The following CRTAP variants were observed in gnomAD, a reference collection of about 807,000 sequenced individuals.
CRTAP encodes cartilage associated protein.
In CRTAP, 33 loss-of-function variants were observed where a neutral mutation model predicts 42.7. The observed-to-expected ratio is 0.77, with a 90% CI of 0.59 to 1.03. The LOEUF is 1.03. CRTAP is among the 50% of genes least tolerant of loss of function. The pLI is 0.00. For synonymous variants in CRTAP, 243 were observed against 217.7 expected (o/e 1.12, Z -1.02); for missense variants, 613 against 533.9 (o/e 1.15, Z -1.46).
Position 33,114,031 on chromosome 3 carries a change from C to G in CRTAP, c.-47C>G, listed in dbSNP as rs970117588. ...TCCTCTTTCCTTTCCTTCTCCCTCC[C>G]CTTTTCCCTTCCTTCGTCCCTTCCT... is the stretch of plus-strand genomic sequence containing the variant. On this transcript the variant is annotated 5_prime_UTR_variant, in exon 1 of 7. Transcript: ENST00000320954. The G allele has an allele frequency of 7.3e-7, 1 of 1,367,510 alleles. No homozygotes were observed. The highest frequency in any genetic ancestry group is 1.4e-5 in the South Asian group (1 of 71,118). The allele number at this position is 1,367,510 out of a possible 1,614,324, so 84.7% of individuals were successfully genotyped here.
intron 6 of CRTAP, among the ~76,000 whole-genome samples, chr3:33,140,586 C>G (rs1402094233): frequency 6.6e-6 from 1 of 152,188 alleles, no homozygotes; most frequent in African/African-American, 2.4e-5. Flanking sequence ...TCCTTATTAT[C>G]TTTCTGGTGT....
intron 1 of CRTAP, among the ~76,000 whole-genome samples, chr3:33,118,382 G>A (rs765271299): frequency 6.6e-6 from 1 of 152,064 alleles, no homozygotes; most frequent in Non-Finnish European, 1.5e-5. Flanking sequence ...CCTTTTTCTG[G>A]CCAGGAGTGT....
intron 2 of CRTAP, among the ~76,000 whole-genome samples, chr3:33,122,731 A>G (rs951869191): frequency 1.4e-5 from 2 of 146,642 alleles, no homozygotes; most frequent in African/African-American, 5.0e-5. Context: ...AAAAAAAAAA[A>G]AGAAGAAGAA....
At chr3:33,142,304 G>T in intron 6 of CRTAP, 91 bp from the exon 7 acceptor site, 1 of 1,215,356 alleles carries the variant, frequency 8.2e-7, no homozygotes, top group Non-Finnish European at 1.2e-6. Context: ...GCAGACAGTG[G>T]TGATGGCCTC....
At position 33,123,830 on chromosome 3, in the gene CRTAP, T is replaced by C. The variant is rs150896697; in HGVS notation, c.622-578T>C. The stretch of plus-strand genomic sequence containing the variant: ...TTAGTACAGATGGGGTTTCCCTATA[T>C]TGGCCATGCTAGAGGTATTTCTTTA... On this transcript the variant is annotated intron_variant, in intron 2 of 6. Coordinates refer to ENST00000320954, the MANE Select transcript of CRTAP (RefSeq NM_006371.5). Among the ~76,000 whole-genome samples, 480 of 152,224 alleles carry C rather than the reference T, an allele frequency of 3.2e-3. 3 individuals are homozygous for C. Among genetic ancestry groups the C allele is most frequent in the African/African-American group, 0.011 (451 of 41,534 alleles).
intron 6 of CRTAP, among the ~76,000 whole-genome samples, chr3:33,138,314 T>G (rs2030480308): frequency 6.6e-6 from 1 of 152,216 alleles, no homozygotes; most frequent in African/African-American, 2.4e-5. Context: ...GGAATTCCAC[T>G]GAACACATAA....
In CRTAP at chr3:33,144,469, G is replaced by A. The variant is rs1408763783; in HGVS notation, c.*2021G>A. ...GTGCTCTCAGAAGGAACCTGTGAAA[G>A]CCTTTATCAGTCATTTATTGGCTGT... On this transcript the variant is annotated 3_prime_UTR_variant, in exon 7 of 7. Transcript: ENST00000320954. The A allele has an allele frequency of 2.0e-5, 3 of 152,218 alleles. No individual in the cohort carries two copies. The highest frequency in any genetic ancestry group is 4.4e-5 in the Non-Finnish European group (3 of 68,070). 9.4% of individuals were successfully genotyped at this position (152,218 alleles called of 1,614,324 possible).
intron 2 of CRTAP, among the ~76,000 whole-genome samples, chr3:33,124,019 C>G (rs564135837): frequency 2.2e-4 from 34 of 152,294 alleles, no homozygotes; most frequent in Middle Eastern, 3.4e-3. Context: ...AGTCCTGTAA[C>G]TGCCATCATA....
At chr3:33,132,793 A>G in intron 5 of CRTAP, 93 bp downstream of exon 5, 1 of 1,503,022 alleles carries the variant, frequency 6.7e-7, no homozygotes, top group Non-Finnish European at 9.2e-7. Context: ...TTTTGGAAAT[A>G]AAGGGGCTGG....
At chr3:33,123,221 C>T (rs963825830) in intron 2 of CRTAP, among the ~76,000 whole-genome samples, 1 of 152,252 alleles carries the variant, frequency 6.6e-6, no homozygotes, top group Admixed American at 6.5e-5. Flanking sequence ...ACTGCATTGT[C>T]GGAGGAAGTG....
At chr3:33,124,847 A>G (rs1212869867) in intron 3 of CRTAP, among the ~76,000 whole-genome samples, 1 of 152,206 alleles carries the variant, frequency 6.6e-6, no homozygotes, top group East Asian at 1.9e-4. Context: ...CAGATTTCCT[A>G]CAGTCATTTT....
chr3:33,115,972 T>A (rs1701338076), intron 1 of CRTAP, among the ~76,000 whole-genome samples: 1 of 152,212 alleles, frequency 6.6e-6, no homozygotes, highest in Non-Finnish European at 1.5e-5. Flanking sequence ...TTAATAAAAT[T>A]CCAGAATGTT....
intron 3 of CRTAP, among the ~76,000 whole-genome samples, 186 bp from the exon 4 acceptor site, chr3:33,129,753 G>A (rs992092389): frequency 1.3e-5 from 2 of 151,798 alleles, no homozygotes; most frequent in Admixed American, 6.6e-5. Flanking sequence ...AACCAGGATG[G>A]TCTCGATCCT....
Position 33,114,552 on chromosome 3 carries a change from A to G in CRTAP, c.471+4A>G, listed in dbSNP as rs549296015. ...CCTGCAGTTCGCTTACTTCAAGGCA[A>G]GTCCGCCTCGCCCCGTCCCAGGCCC... On this transcript the variant is annotated splice_donor_region_variant and intron_variant, in intron 1 of 6. Transcript: ENST00000320954. 5 of 1,575,360 alleles carry G rather than the reference A, an allele frequency of 3.2e-6. No individual in the cohort carries two copies. The highest frequency in any genetic ancestry group is 3.6e-5 in the Admixed American group (2 of 55,210).
intron 2 of CRTAP, among the ~76,000 whole-genome samples, chr3:33,122,709 C>CAAAAAAA (rs58820155): frequency 4.1e-4 from 36 of 87,508 alleles, no homozygotes; most frequent in African/African-American, 1.5e-3. Flanking sequence ...GACTCTGTCT[C>CAAAAAAA]AAAAAAAAAA....
At chr3:33,114,589 CT>C in intron 1 of CRTAP, 41 bp downstream of exon 1, 1 of 1,539,216 alleles carries the variant, frequency 6.5e-7, no homozygotes, top group Non-Finnish European at 8.8e-7. Context: ...GGCCCCGCCC[CT>C]GACCCAGCCT....
chr3:33,117,951 CCTTTCTTT>C (rs199592277), intron 1 of CRTAP, among the ~76,000 whole-genome samples: 3 of 143,720 alleles, frequency 2.1e-5, no homozygotes, highest in African/African-American at 5.2e-5. Context: ...TCTTTCTATT[CCTTTCTTT>C]CTTTCTTTCT....
rs768482278 is a variant in CRTAP, at chr3:33,114,192, G to A, written c.115G>A (p.Asp39Asn). The A allele has an allele frequency of 1.3e-6, 2 of 1,593,458 alleles. No individual in the cohort carries two copies. Among genetic ancestry groups the A allele is most frequent in the Admixed American group, 1.7e-5 (1 of 59,374 alleles). The change falls in exon 1 of 7, where the codon GAC (aspartate) becomes AAC (asparagine). Residue 39 changes from aspartate to asparagine, a missense_variant. By Grantham distance (23) the Asp-to-Asn change is conservative. Transcript: ENST00000320954. The part of the protein sequence containing the change: ...ERYSFRSFPR[D>N]ELMPLESAYR... ...CTACAGCTTCCGCAGCTTCCCACGG[G>A]ACGAGCTGATGCCGCTCGAGTCGGC...
Position 33,114,071 on chromosome 3 carries a change from G to C in CRTAP, c.-7G>C, listed in dbSNP as rs534679571. 9.6e-6 allele frequency: 14 copies of C among 1,456,412 alleles called. No individual in the cohort carries two copies. In the East Asian group the frequency reaches 3.3e-4, roughly 34 times the overall value. 90.2% of individuals were successfully genotyped at this position (1,456,412 alleles called of 1,614,324 possible). On this transcript the variant is annotated 5_prime_UTR_variant, in exon 1 of 7. Coordinates refer to ENST00000320954, the MANE Select transcript of CRTAP (RefSeq NM_006371.5). ...CGTCCCTTCCTTCCTTCCTTTCGCC[G>C]GGCGCGATGGAGCCGGGGCGCCGGG...
Sources: allele counts gnomAD v4.1 joint callset (sites outside exome capture counted in the v4.1 genomes callset), GRCh38; gene constraint gnomAD v4.1.1; transcripts MANE v1.5; gene names NCBI Gene and HGNC (gene_info 2026-07-23, HGNC 2026-07-21).